PKIB: variants seen among roughly 807,000 people sequenced by gnomAD.
PKIB encodes PKI-beta.
Under a neutral mutation model 4.5 loss-of-function variants are expected in PKIB, and 2 were observed. The ratio of observed to expected loss-of-function variants is 0.44; its 90% CI spans 0.18 to 1.39. The LOEUF (loss-of-function observed/expected upper bound fraction) is 1.39. PKIB is among the 40% of genes most tolerant of loss of function. The pLI is 0.27. For missense variants in PKIB, 94 were observed against 92.6 expected (o/e 1.02, Z -0.06); for synonymous variants, 38 against 36.0 (o/e 1.06, Z -0.20).
intron 3 of PKIB, 37 bp from the exon 4 acceptor site, chr6:122,717,750 T>G: frequency 6.2e-7 from 1 of 1,603,928 alleles, no homozygotes; most frequent in Non-Finnish European, 8.5e-7. Context: ...TACTTCTGAA[T>G]AGGCTCATCT....
At chr6:122,526,816 C>T (rs1777103233) in intron 2 of PKIB, among the ~76,000 whole-genome samples, 1 of 152,076 alleles carries the variant, frequency 6.6e-6, no homozygotes, top group African/African-American at 2.4e-5. Flanking sequence ...AAGTTACCAG[C>T]TGTGTTAACA....
chr6:122,498,463 C>T (rs918022185), intron 2 of PKIB, among the ~76,000 whole-genome samples: 1 of 152,054 alleles, frequency 6.6e-6, no homozygotes, highest in Non-Finnish European at 1.5e-5. Context: ...ACAGCCAAAC[C>T]ATATCAAATG....
chr6:122,625,568 G>A (rs1323483836), intron 1 of PKIB, among the ~76,000 whole-genome samples: 1 of 152,080 alleles, frequency 6.6e-6, no homozygotes, highest in African/African-American at 2.4e-5. Flanking sequence ...AACCTGAGAG[G>A]CGGAGGTTGC....
At chr6:122,671,902 T>C (rs1582797677) in intron 2 of PKIB, among the ~76,000 whole-genome samples, 2 of 152,144 alleles carry the variant, frequency 1.3e-5, no homozygotes, top group East Asian at 3.8e-4. Flanking sequence ...AATATATATT[T>C]GGAAGAAAAA....
Position 122,725,510 on chromosome 6 carries a change from T to C in PKIB, c.*315T>C. 1 of 220,958 alleles carries C rather than the reference T, an allele frequency of 4.5e-6. No individual in the cohort carries two copies. Among genetic ancestry groups the C allele is most frequent in the Non-Finnish European group, 8.9e-6 (1 of 112,886 alleles). 13.7% of individuals were successfully genotyped at this position (220,958 alleles called of 1,614,324 possible). A position where few individuals can be genotyped will look rare whatever the true frequency, so the allele number is the denominator to read the frequency against. On this transcript the variant is annotated 3_prime_UTR_variant, in exon 5 of 5. Coordinates refer to ENST00000368452, the MANE Select transcript of PKIB (RefSeq NM_181795.3). ...TGTTCTCTTTTGGATTTATTTAGCC[T>C]GATGTATTTTTAATTCAATTTTTAT...
chr6:122,576,710 A>ATATATATATATATATATATAT (rs59569106), intron 2 of PKIB, among the ~76,000 whole-genome samples: 2 of 110,032 alleles, frequency 1.8e-5, no homozygotes, highest in African/African-American at 7.9e-5. Flanking sequence ...ATATATATAT[A>ATATATATATATATATATATAT]TTTTCTTTTG....
chr6:122,606,336 G>A (rs1248587564), upstream of PKIB, among the ~76,000 whole-genome samples: 1 of 152,190 alleles, frequency 6.6e-6, no homozygotes, highest in Non-Finnish European at 1.5e-5. Flanking sequence ...ACTTTGGGAG[G>A]CTGAGGCAGG....
intron 3 of PKIB, among the ~76,000 whole-genome samples, chr6:122,703,906 C>CTA (rs201067199): frequency 4.8e-4 from 68 of 142,082 alleles, no homozygotes; most frequent in African/African-American, 1.6e-3. Context: ...ATAAAAAACG[C>CTA]TATATATATA....
At position 122,576,950 on chromosome 6, in the gene PKIB, A is replaced by G. The variant is rs1773561539; in HGVS notation, c.-247-8971A>G. On this transcript the variant is annotated intron_variant, in intron 2 of 6. Coordinates refer to the PKIB transcript ENST00000392491. ...AACATGGTGGATCTAAAGAATTCCT[A>G]GACAGCCACCAGGTCTATCTCTAGC... 2.0e-5 allele frequency among the ~76,000 whole-genome samples: 3 copies of G among 152,154 alleles called. No individual in the cohort carries two copies. In the South Asian group the frequency reaches 6.2e-4, roughly 32 times the overall value.
intron 2 of PKIB, among the ~76,000 whole-genome samples, chr6:122,556,939 C>T (rs1011294757): frequency 2.0e-5 from 3 of 152,168 alleles, no homozygotes; most frequent in African/African-American, 4.8e-5. Flanking sequence ...CTCAGCCGGG[C>T]GTGGTGGCTT....
intron 1 of PKIB, among the ~76,000 whole-genome samples, chr6:122,623,733 G>T (rs960682446): frequency 2.0e-5 from 3 of 152,076 alleles, no homozygotes; most frequent in African/African-American, 7.2e-5. Flanking sequence ...ACACAAATAT[G>T]TTGAAGATCA....
intron 2 of PKIB, among the ~76,000 whole-genome samples, chr6:122,579,398 A>C (rs768092919): frequency 6.6e-6 from 1 of 152,004 alleles, no homozygotes; most frequent in Non-Finnish European, 1.5e-5. Context: ...TGGTACATCA[A>C]ATTCTTAGGG....
intron 2 of PKIB, among the ~76,000 whole-genome samples, chr6:122,557,249 T>C (rs1276268248): frequency 6.6e-6 from 1 of 152,122 alleles, no homozygotes; most frequent in African/African-American, 2.4e-5. Flanking sequence ...ATCTTCAAGG[T>C]AACAAATTAG....
intron 2 of PKIB, among the ~76,000 whole-genome samples, chr6:122,491,545 T>C (rs1226382795): frequency 6.6e-6 from 1 of 152,136 alleles, no homozygotes; most frequent in African/African-American, 2.4e-5. Context: ...AATTAGTCAT[T>C]AACGTAGGCC....
intron 3 of PKIB, among the ~76,000 whole-genome samples, chr6:122,693,787 C>T (rs1778445973): frequency 1.3e-5 from 2 of 152,212 alleles, no homozygotes; most frequent in East Asian, 3.9e-4. Context: ...TGGGGAAAAA[C>T]CATTACCCAC....
chr6:122,520,220 A>C (rs967201994), intron 2 of PKIB, among the ~76,000 whole-genome samples: 3 of 152,176 alleles, frequency 2.0e-5, no homozygotes, highest in Non-Finnish European at 4.4e-5. Context: ...TATTTCCTGC[A>C]AACTAGATTA....
chr6:122,547,004 T>G (rs1772517142), intron 2 of PKIB, among the ~76,000 whole-genome samples: 1 of 152,232 alleles, frequency 6.6e-6, no homozygotes, highest in Admixed American at 6.5e-5. Flanking sequence ...GTAATTTACT[T>G]TTGACCCATA....
chr6:122,490,455 T>G (rs1775906864), intron 2 of PKIB, among the ~76,000 whole-genome samples: 1 of 152,096 alleles, frequency 6.6e-6, no homozygotes, highest in Admixed American at 6.5e-5. Flanking sequence ...TTCCAAATGT[T>G]GGAGGTGGGG....
chr6:122,650,447 GA>G (rs974225033), intron 2 of PKIB, among the ~76,000 whole-genome samples: 6 of 152,188 alleles, frequency 3.9e-5, no homozygotes, highest in African/African-American at 1.2e-4. Flanking sequence ...TTTATATACA[GA>G]TTAAGAATTT....
Sources: gnomAD v4.1 joint callset for allele counts (sites outside exome capture counted in the v4.1 genomes callset) on GRCh38, gnomAD v4.1.1 for gene constraint, MANE v1.5 for transcripts, NCBI Gene and HGNC (gene_info 2026-07-23, HGNC 2026-07-21) for gene names.